The following SMARCA2 variants were observed in gnomAD, a reference collection of about 807,000 sequenced individuals.
The protein encoded by SMARCA2 is SWI/SNF related BAF chromatin remodeling complex subunit ATPase 2.
A neutral mutation model predicts 199.8 loss-of-function variants in SMARCA2; 61 were observed. The observed-to-expected ratio is 0.31, with a 90% CI of 0.25 to 0.38. SMARCA2 has a LOEUF of 0.38. SMARCA2 is among the 10% of genes least tolerant of loss of function. The pLI, the probability that SMARCA2 is intolerant of heterozygous loss-of-function variation, is 1.00. For synonymous variants in SMARCA2, 935 were observed against 732.0 expected, an observed-to-expected ratio of 1.28 and a Z score of -4.48; for missense variants, 1,344 against 2,012.2, an observed-to-expected ratio of 0.67 and a Z score of 6.35.
chr9:2,170,017 A>AG lies in SMARCA2; in HGVS notation c.4200-400dup, dbSNP rs1826160785. ...CCTATTTAATTTTTATAACTTTCTG[A>AG]GGTAAGTATTTCCCCCATTTTACAA... is the stretch of plus-strand genomic sequence containing the variant. On this transcript the variant is annotated intron_variant, in intron 28 of 33. Coordinates refer to ENST00000349721, the MANE Select transcript of SMARCA2 (RefSeq NM_003070.5). This position sits in a 1 kb window ranked among gnomAD's most constrained non-coding sequence, Gnocchi z 4.7. Among the ~76,000 whole-genome samples, 1 of 152,144 alleles carries AG rather than the reference A, an allele frequency of 6.6e-6. No individual in the cohort carries two copies. Among genetic ancestry groups the AG allele is most frequent in the Non-Finnish European group, 1.5e-5 (1 of 68,022 alleles).
intron 10 of SMARCA2, 22 bp downstream of exon 10, chr9:2,070,493 C>A: frequency 6.3e-7 from 1 of 1,594,132 alleles, no homozygotes; most frequent in Non-Finnish European, 8.6e-7. Context: ...TCATCCTTTC[C>A]ACTGTGTTCT....
At position 2,182,332 on chromosome 9, in the gene SMARCA2, A is replaced by G. The variant is rs189468900; in HGVS notation, c.4461+90A>G. On this transcript the variant is annotated intron_variant, in intron 31 of 33. Transcript: ENST00000349721. ...GAATATTTCATTTTCTACCTCTTGA[A>G]TCATTGCTACTGGCAGAAGAAAAAT... 50 of 785,378 alleles carry G rather than the reference A, an allele frequency of 6.4e-5. No homozygotes were observed. The East Asian group carries it at 1.3e-3, about 20-fold the overall frequency. 48.7% of individuals were successfully genotyped at this position (785,378 alleles called of 1,614,324 possible).
In SMARCA2 at chr9:2,086,102, C is replaced by G. The variant is rs1050444716; in HGVS notation, c.2527-727C>G. 6.6e-5 allele frequency: 10 copies of G among 152,258 alleles called. No individual in the cohort carries two copies. The highest frequency in any genetic ancestry group is 2.4e-4 in the African/African-American group (10 of 41,452). The allele number at this position is 152,258 out of a possible 1,614,324, so 9.4% of individuals were successfully genotyped here. A position where few individuals can be genotyped will look rare whatever the true frequency, so the allele number is the denominator to read the frequency against. On this transcript the variant is annotated intron_variant, in intron 17 of 33. Transcript: ENST00000349721. The surrounding 1 kb of genome is among the most constrained non-coding windows in gnomAD (Gnocchi z 4.3). ...GAGTGATATTTTTGCAGTGCGCTTT[C>G]TGCCAGTGAGTATATTCTTTTATTT...
chr9:2,102,132 A>AGT (rs71327397), intron 22 of SMARCA2, among the ~76,000 whole-genome samples: 5,597 of 148,034 alleles, frequency 0.038, 111 homozygotes, highest in African/African-American at 0.053. Context: ...ATTAACAGAA[A>AGT]GTGTGTGTGT....
chr9:2,094,414 G>C (rs765063327), intron 19 of SMARCA2, among the ~76,000 whole-genome samples: 6 of 152,174 alleles, frequency 3.9e-5, no homozygotes, highest in Non-Finnish European at 8.8e-5. Context: ...CCAGCCCTTA[G>C]CAGTGGCTGA....
At position 2,110,818 on chromosome 9, in the gene SMARCA2, C is replaced by G. The variant is rs1030108859; in HGVS notation, c.3456+401C>G. On this transcript the variant is annotated intron_variant, in intron 24 of 33. Transcript: ENST00000349721. This position sits in a 1 kb window ranked among gnomAD's most constrained non-coding sequence, Gnocchi z 4.8. ...TTTTTTCATTCAGTTTTACGACAAC[C>G]CTGTCAGACGGTTAATATGATTTGA... is the stretch of plus-strand genomic sequence containing the variant. Among the ~76,000 whole-genome samples the G allele has an allele frequency of 6.6e-6, 1 of 152,094 alleles. No individual in the cohort carries two copies. The highest frequency in any genetic ancestry group is 2.4e-5 in the African/African-American group (1 of 41,384).
At chr9:2,096,618 CT>C in intron 19 of SMARCA2, 38 bp from the exon 20 acceptor site, 1 of 1,353,106 alleles carries the variant, frequency 7.4e-7, no homozygotes, top group Middle Eastern at 1.9e-4. Flanking sequence ...GCGCCTTCTC[CT>C]TCCTGCTCTT....
At chr9:2,043,751 G>A (rs1449795364) in intron 4 of SMARCA2, 1 of 152,118 alleles carries the variant, frequency 6.6e-6, no homozygotes, top group African/African-American at 2.4e-5. Flanking sequence ...TTAATACATT[G>A]TTACCCTATT....
intron 31 of SMARCA2, 81 bp from the exon 32 acceptor site, chr9:2,186,015 G>A (rs1434393956): frequency 7.7e-7 from 1 of 1,306,756 alleles, no homozygotes; most frequent in South Asian, 1.4e-5. Context: ...TGTGAATTAA[G>A]CTGGTGTATT....
At chr9:2,137,248 C>T (rs1407420665) in intron 27 of SMARCA2, among the ~76,000 whole-genome samples, 1 of 152,230 alleles carries the variant, frequency 6.6e-6, no homozygotes, top group South Asian at 2.1e-4. Context: ...TTGTTCACAA[C>T]AGTTCAGGTG....
chr9:2,184,865 G>T (rs945643466), intron 31 of SMARCA2, among the ~76,000 whole-genome samples: 1 of 143,622 alleles, frequency 7.0e-6, no homozygotes, highest in Admixed American at 6.8e-5. Flanking sequence ...TCTCTCTCGC[G>T]CGGGTCCTTT....
intron 27 of SMARCA2, among the ~76,000 whole-genome samples, chr9:2,149,149 G>T (rs1824915064): frequency 6.6e-6 from 1 of 151,324 alleles, no homozygotes; most frequent in African/African-American, 2.4e-5. Flanking sequence ...GGCTGGGGAG[G>T]CCTCAGAATC....
chr9:2,172,079 C>A lies in SMARCA2; in HGVS notation c.4253+1607C>A, dbSNP rs1273583982. Among the ~76,000 whole-genome samples the A allele has an allele frequency of 3.3e-5, 5 of 152,254 alleles. No individual in the cohort carries two copies. The East Asian group carries it at 9.7e-4, about 29-fold the overall frequency. Reference sequence around the variant, plus strand: ...GGGCTCTCTGGAGTCTGTCTTGTCCCTTGCTGTCTGTCACACACACTTCCT... The same window carrying A: ...GGGCTCTCTGGAGTCTGTCTTGTCCATTGCTGTCTGTCACACACACTTCCT... On this transcript the variant is annotated intron_variant, in intron 29 of 33. Transcript: ENST00000349721.
chr9:2,033,288 TTTTACTAGCCACCATGTGTCC>T lies in SMARCA2; in HGVS notation c.355+208_355+228del, dbSNP rs1819157545. 1.2e-5 allele frequency: 6 copies of T among 515,096 alleles called. No individual in the cohort carries two copies. The East Asian group carries it at 2.0e-4, about 17-fold the overall frequency. The allele number at this position is 515,096 out of a possible 1,614,324, so 31.9% of individuals were successfully genotyped here. A position where few individuals can be genotyped will look rare whatever the true frequency, so the allele number is the denominator to read the frequency against. On this transcript the variant is annotated intron_variant, in intron 3 of 33. Coordinates refer to ENST00000349721, the MANE Select transcript of SMARCA2 (RefSeq NM_003070.5). ...AATTTTATTTCCGAAGTCCTAGTAA[TTTTACTAGCCACCATGTGTCC>T]AAGCAGTCTGCAAAGAGCTCTATGT... is the stretch of plus-strand genomic sequence containing the variant.
chr9:2,094,797 G>T lies in SMARCA2; in HGVS notation c.2884-1860G>T, dbSNP rs1195746320. ...AGGCTCAGAAAGCACTTTGCACAGG[G>T]CTTTTTCTGTGGAAAGAGCCCAGTA... On this transcript the variant is annotated intron_variant, in intron 19 of 33. Coordinates refer to ENST00000349721, the MANE Select transcript of SMARCA2 (RefSeq NM_003070.5). 3.9e-5 allele frequency among the ~76,000 whole-genome samples: 6 copies of T among 152,152 alleles called. No individual in the cohort carries two copies. The South Asian group carries it at 1.2e-3, about 32-fold the overall frequency.
chr9:2,103,844 A>G (rs1822637918), intron 22 of SMARCA2, among the ~76,000 whole-genome samples, 159 bp from the exon 23 acceptor site: 1 of 152,076 alleles, frequency 6.6e-6, no homozygotes, highest in African/African-American at 2.4e-5. Flanking sequence ...AAATATTCTC[A>G]TTGCTTTGGA....
chr9:2,176,041 C>A (rs934053690), intron 29 of SMARCA2, among the ~76,000 whole-genome samples: 1 of 151,940 alleles, frequency 6.6e-6, no homozygotes, highest in Admixed American at 6.6e-5. Context: ...CCACCATACT[C>A]GGCTAATTTT....
intron 17 of SMARCA2, among the ~76,000 whole-genome samples, chr9:2,084,398 G>GTGTGTGTGTGTGTGTGTGTTTATGAT (rs1821705818): frequency 2.6e-5 from 4 of 151,382 alleles, no homozygotes; most frequent in African/African-American, 9.7e-5. Context: ...GTGTGTGTGT[G>GTGTGTGTGTGTGTGTGTGTTTATGAT]TGTGTGTGTG....
At position 2,076,375 on chromosome 9, in the gene SMARCA2, T is replaced by G. The variant is rs762374359; in HGVS notation, c.2036+46T>G. The G allele has an allele frequency of 2.6e-6, 3 of 1,171,360 alleles. No homozygotes were observed. The East Asian group carries it at 7.0e-5, about 27-fold the overall frequency. 72.6% of individuals were successfully genotyped at this position (1,171,360 alleles called of 1,614,324 possible). ...TTGGAAATGCATTGCATGAGGATGA[T>G]GCTTAATGAATTTTCTTTTAGGAAA... On this transcript the variant is annotated intron_variant, in intron 13 of 33. Coordinates refer to ENST00000349721, the MANE Select transcript of SMARCA2 (RefSeq NM_003070.5).
Sources: allele counts gnomAD v4.1 joint callset (sites outside exome capture counted in the v4.1 genomes callset), GRCh38; gene constraint gnomAD v4.1.1; non-coding constraint Gnocchi (gnomAD v3.1); transcripts MANE v1.5; gene names NCBI Gene and HGNC (gene_info 2026-07-23, HGNC 2026-07-21).